Variants in TRAM1 observed in about 807,000 individuals in gnomAD.
TRAM1 encodes the protein translocating chain-associated membrane protein 1.
A neutral mutation model predicts 48.7 loss-of-function variants in TRAM1; 17 were observed. The ratio of observed to expected loss-of-function variants is 0.35; its 90% CI spans 0.24 to 0.52. The LOEUF is 0.52. Among genes scored for constraint, TRAM1 ranks in the 20% least tolerant of loss-of-function variants. The pLI is 0.94. For synonymous variants in TRAM1, 182 were observed against 154.0 expected, an observed-to-expected ratio of 1.18 and a Z score of -1.34; for missense variants, 351 against 441.5, an observed-to-expected ratio of 0.79 and a Z score of 1.84.
chr8:70,598,052 TA>T (rs1202369802), intron 3 of TRAM1, 41 bp from the exon 4 acceptor site: 26 of 1,519,094 alleles, frequency 1.7e-5, no homozygotes, highest in Non-Finnish European at 2.3e-5. Context: ...GAATAAATTA[TA>T]AATTATATTT....
chr8:70,576,762 G>A (rs1429545172), intron 10 of TRAM1, among the ~76,000 whole-genome samples: 1 of 152,128 alleles, frequency 6.6e-6, no homozygotes, highest in Non-Finnish European at 1.5e-5. Context: ...TAGCTAGCAG[G>A]AGCCCCATCC....
Position 70,583,725 on chromosome 8 carries a change from ACAGT to A in TRAM1, c.811_814del (p.Thr271LeufsTer23). ...TTCTGCTCTTGCAAGGCCAAAACCA[ACAGT>A]CAGTACTGAAAGAATTAAAGTCAGA... On this transcript the variant is annotated frameshift_variant, in exon 9 of 11. Coordinates refer to ENST00000262213, the MANE Select transcript of TRAM1 (RefSeq NM_014294.6). LOFTEE classifies it high-confidence loss of function. 1 of 1,612,270 alleles carries A rather than the reference ACAGT, an allele frequency of 6.2e-7. No homozygotes were observed. Among genetic ancestry groups the A allele is most frequent in the Non-Finnish European group, 8.5e-7 (1 of 1,179,440 alleles).
At chr8:70,600,887 A>G (rs1817594859) in intron 1 of TRAM1, among the ~76,000 whole-genome samples, 1 of 152,148 alleles carries the variant, frequency 6.6e-6, no homozygotes, top group Non-Finnish European at 1.5e-5. Flanking sequence ...TGAAGAGGAC[A>G]GTACAGATAG....
In TRAM1 at chr8:70,600,019, C is replaced by G; in HGVS notation, c.187G>C (p.Glu63Gln). 1 of 1,613,092 alleles carries G rather than the reference C, an allele frequency of 6.2e-7. No individual in the cohort carries two copies. Among genetic ancestry groups the G allele is most frequent in the Non-Finnish European group, 8.5e-7 (1 of 1,179,292 alleles). The part of the protein sequence containing the change: ...LQYNVTLPAT[E>Q]EQATESVSLY... ...AAAATTCTTAGCGTAAATTACCTAC[C>G]TGTTGCTGGGAGGGTGACATTGTAC... Residue 63 changes from glutamate to glutamine, a missense_variant and splice_region_variant, in exon 2 of 11, where the codon GAA (glutamate) becomes CAA (glutamine). Glu to Gln is a conservative substitution (Grantham distance 29). Coordinates refer to ENST00000262213, the MANE Select transcript of TRAM1 (RefSeq NM_014294.6).
intron 10 of TRAM1, among the ~76,000 whole-genome samples, chr8:70,577,183 C>T (rs750517426): frequency 3.9e-5 from 6 of 152,126 alleles, no homozygotes; most frequent in Admixed American, 6.5e-5. Context: ...AGAGGGAGGC[C>T]GAGGGGGGCT....
chr8:70,590,818 G>A (rs903721140), intron 6 of TRAM1, among the ~76,000 whole-genome samples: 3 of 152,200 alleles, frequency 2.0e-5, no homozygotes, highest in African/African-American at 7.2e-5. Flanking sequence ...CTTTTTCTAA[G>A]TAATGGTCCA....
chr8:70,606,831 T>TA (rs79575959), intron 1 of TRAM1: 31,327 of 713,884 alleles, frequency 0.044, 80 homozygotes, highest in African/African-American at 0.068. Context: ...ATTTTAAAAT[T>TA]AAAAAAAAAA....
chr8:70,606,051 G>A (rs1817711756), intron 1 of TRAM1, among the ~76,000 whole-genome samples: 1 of 152,194 alleles, frequency 6.6e-6, no homozygotes, highest in Non-Finnish European at 1.5e-5. Flanking sequence ...TGTTTTTAAA[G>A]TCAGGAATTC....
At chr8:70,581,671 G>T (rs1326337934) in intron 10 of TRAM1, among the ~76,000 whole-genome samples, 1 of 152,188 alleles carries the variant, frequency 6.6e-6, no homozygotes, top group African/African-American at 2.4e-5. Context: ...AATGTTCACA[G>T]CATCACGATT....
At chr8:70,584,553 TCTC>T (rs1817162673) in intron 8 of TRAM1, among the ~76,000 whole-genome samples, 1 of 152,118 alleles carries the variant, frequency 6.6e-6, no homozygotes, top group Non-Finnish European at 1.5e-5. Flanking sequence ...CAGCCCAAAA[TCTC>T]CTTAAGCTGA....
chr8:70,604,805 C>T (rs1279195308), intron 1 of TRAM1, among the ~76,000 whole-genome samples: 2 of 152,142 alleles, frequency 1.3e-5, no homozygotes, highest in East Asian at 3.8e-4. Context: ...TTTATACACT[C>T]CTTAAAAGAA....
intron 10 of TRAM1, 68 bp from the exon 11 acceptor site, chr8:70,575,073 A>G: frequency 5.3e-6 from 6 of 1,132,856 alleles, no homozygotes; most frequent in Non-Finnish European, 7.5e-6. Context: ...CTTTATATGT[A>G]AAGATACCTT....
intron 4 of TRAM1, among the ~76,000 whole-genome samples, chr8:70,597,320 A>T (rs531769546): frequency 6.6e-6 from 1 of 152,320 alleles, no homozygotes; most frequent in African/African-American, 2.4e-5. Flanking sequence ...TGTGAACATT[A>T]CAACTCATGT....
Position 70,583,316 on chromosome 8 carries a change from A to G in TRAM1, c.899T>C (p.Val300Ala), listed in dbSNP as rs778811918. Residue 300 changes from valine (V) to alanine (A), a missense_variant, in exon 10 of 11, where the codon GTT becomes GCT. Val to Ala is a moderately conservative substitution (Grantham distance 64). Transcript: ENST00000262213. ...CTGAGTAACGCAAATGGATGCCAGA[A>G]CAGCGATTCTAAGAAATATTAAGAC... ...NFNVLAVRIAVLASICVTQAF... is the reference protein window; with the variant it reads ...NFNVLAVRIAALASICVTQAF... The G allele has an allele frequency of 1.4e-5, 22 of 1,613,206 alleles. No homozygotes were observed. Among genetic ancestry groups the G allele is most frequent in the Non-Finnish European group, 1.8e-5 (21 of 1,179,794 alleles).
At chr8:70,585,741 AG>A (rs36133754) in intron 8 of TRAM1, among the ~76,000 whole-genome samples, 56,839 of 90,216 alleles carry the variant, frequency 0.63, 20,392 homozygotes, top group Non-Finnish European at 0.79. Flanking sequence ...CACACCAGTT[AG>A]GAATGGTGAT....
chr8:70,597,328 T>C (rs911413829), intron 4 of TRAM1, among the ~76,000 whole-genome samples: 2 of 152,178 alleles, frequency 1.3e-5, no homozygotes, highest in Non-Finnish European at 2.9e-5. Flanking sequence ...TTACAACTCA[T>C]GTAACCTACG....
In TRAM1 at chr8:70,586,931, C is replaced by A; in HGVS notation, c.710G>T (p.Arg237Leu). Residue 237 changes from arginine (R) to leucine (L), a missense_variant, in exon 8 of 11, where the codon CGC becomes CTC. Physicochemically the swap from Arg to Leu is moderately radical, Grantham distance 102. Transcript: ENST00000262213. Reference protein sequence around the residue: ...YFVEFLFHISRLFYFSNEKYQ... With the variant: ...YFVEFLFHISLLFYFSNEKYQ... ...CTTTTCATTGCTAAAATAAAACAGG[C>A]GGGAAATGTGGAAAAGAAATTCAAC... The A allele has an allele frequency of 1.9e-6, 3 of 1,613,466 alleles. No individual in the cohort carries two copies. The highest frequency in any genetic ancestry group is 2.5e-6 in the Non-Finnish European group (3 of 1,179,808).
chr8:70,583,843 T>C (rs748400638), intron 8 of TRAM1, 50 bp from the exon 9 acceptor site: 2 of 1,515,140 alleles, frequency 1.3e-6, no homozygotes, highest in Non-Finnish European at 1.8e-6. Context: ...AAAAACAAGA[T>C]TCTATTAGAA....
chr8:70,606,807 TA>T (rs1817729569), intron 1 of TRAM1: 1 of 818,484 alleles, frequency 1.2e-6, no homozygotes, highest in South Asian at 5.6e-5. Context: ...AAAATAAGGT[TA>T]AAATATTATT....
Sources: allele counts gnomAD v4.1 joint callset (sites outside exome capture counted in the v4.1 genomes callset), GRCh38; gene constraint gnomAD v4.1.1; transcripts MANE v1.5; gene names NCBI Gene and HGNC (gene_info 2026-07-23, HGNC 2026-07-21).